DOP1B: variants seen among roughly 807,000 people sequenced by gnomAD.
The protein encoded by DOP1B is protein DOP1B.
In DOP1B, 174 loss-of-function variants were observed where a neutral mutation model predicts 233.5. The observed-to-expected ratio is 0.75, with a 90% CI of 0.66 to 0.85. The LOEUF is 0.85. Ranked by LOEUF, DOP1B falls within the 40% of genes least tolerant of loss-of-function variation. DOP1B has a pLI of 0.00. For missense variants in DOP1B, 2,652 were observed against 2,846.6 expected (o/e 0.93, Z 1.56); for synonymous variants, 1,190 against 1,185.6 (o/e 1.00, Z -0.08).
At chr21:36,182,043 A>T (rs885808) in intron 2 of DOP1B, among the ~76,000 whole-genome samples, 1 of 152,082 alleles carries the variant, frequency 6.6e-6, no homozygotes, top group Non-Finnish European at 1.5e-5. Flanking sequence ...TCTGCCTTAT[A>T]TATTACTCTT....
At chr21:36,274,066 T>C (rs1429388811) in intron 27 of DOP1B, among the ~76,000 whole-genome samples, 5 of 149,174 alleles carry the variant, frequency 3.4e-5, no homozygotes, top group Non-Finnish European at 4.5e-5. Flanking sequence ...CAACAGAGAC[T>C]CTGTCTCAAA....
intron 2 of DOP1B, among the ~76,000 whole-genome samples, chr21:36,166,872 G>C (rs1421372589): frequency 6.6e-6 from 1 of 152,224 alleles, no homozygotes; most frequent in East Asian, 1.9e-4. Context: ...TAAGCTGCTG[G>C]TCTTTTGCAA....
At chr21:36,242,111 CTGTTT>C (rs368574315) in intron 18 of DOP1B, among the ~76,000 whole-genome samples, 3 of 151,254 alleles carry the variant, frequency 2.0e-5, no homozygotes, top group African/African-American at 4.8e-5. Flanking sequence ...CTTTTTCTTT[CTGTTT>C]TAAGAGGAAA....
chr21:36,283,506 A>C (rs2067442981), intron 32 of DOP1B, among the ~76,000 whole-genome samples: 3 of 152,234 alleles, frequency 2.0e-5, no homozygotes, highest in Admixed American at 2.0e-4. Flanking sequence ...TAGTGCACAT[A>C]AGATTTTTAC....
At chr21:36,278,714 C>A (rs1450622383) in intron 30 of DOP1B, among the ~76,000 whole-genome samples, 4 of 151,682 alleles carry the variant, frequency 2.6e-5, no homozygotes, top group African/African-American at 9.7e-5. Flanking sequence ...CAAAAAAATT[C>A]AAAAATTAGC....
chr21:36,163,634 T>C (rs2065886567), intron 1 of DOP1B, among the ~76,000 whole-genome samples: 1 of 152,254 alleles, frequency 6.6e-6, no homozygotes. Flanking sequence ...TATTTGTCTT[T>C]CCTTTCAGAC....
At chr21:36,289,935 G>A (rs1487226338) in intron 35 of DOP1B, among the ~76,000 whole-genome samples, 1 of 152,130 alleles carries the variant, frequency 6.6e-6, no homozygotes, top group African/African-American at 2.4e-5. Flanking sequence ...GATTTTTAGG[G>A]CAGTGAAATT....
In DOP1B at chr21:36,293,674, C is replaced by G. The variant is rs2067584437; in HGVS notation, c.*103C>G. 7.6e-7 allele frequency: 1 copy of G among 1,312,492 alleles called. No homozygotes were observed. The highest frequency in any genetic ancestry group is 1.1e-6 in the Non-Finnish European group (1 of 942,950). 81.3% of individuals were successfully genotyped at this position (1,312,492 alleles called of 1,614,324 possible). The stretch of plus-strand genomic sequence containing the variant: ...GGCAGGATAGTGCTTTTGAACAAGC[C>G]TATTTCCATTTTGAAAGTAGATTTC... On this transcript the variant is annotated 3_prime_UTR_variant, in exon 37 of 37. Coordinates refer to ENST00000691173, the MANE Select transcript of DOP1B (RefSeq NM_001320714.2).
Position 36,211,957 on chromosome 21 carries a change from C to A in DOP1B, c.781-17C>A, listed in dbSNP as rs1216391389. On this transcript the variant is annotated splice_polypyrimidine_tract_variant and intron_variant, in intron 6 of 36. Coordinates refer to ENST00000691173, the MANE Select transcript of DOP1B (RefSeq NM_001320714.2). ...CCTATCATTCCCTTGCAGTAAATTT[C>A]TCTGTCCTTCTAATAGGATTCCAAT... The A allele has an allele frequency of 1.2e-6, 2 of 1,613,606 alleles. No homozygotes were observed. Among genetic ancestry groups the A allele is most frequent in the Non-Finnish European group, 1.7e-6 (2 of 1,179,912 alleles).
At chr21:36,209,482 C>T (rs897039736) in intron 5 of DOP1B, among the ~76,000 whole-genome samples, 3 of 152,212 alleles carry the variant, frequency 2.0e-5, no homozygotes, top group South Asian at 2.1e-4. Context: ...TAGCTGCACA[C>T]GGCGCTCAGA....
At chr21:36,180,796 G>A (rs1013132720) in intron 2 of DOP1B, among the ~76,000 whole-genome samples, 1 of 151,912 alleles carries the variant, frequency 6.6e-6, no homozygotes, top group South Asian at 2.1e-4. Flanking sequence ...CATGAGAATC[G>A]CTTGAACCCA....
At chr21:36,206,114 C>T (rs2066422542) in intron 4 of DOP1B, among the ~76,000 whole-genome samples, 1 of 152,052 alleles carries the variant, frequency 6.6e-6, no homozygotes, top group Non-Finnish European at 1.5e-5. Context: ...GAAGTTATTT[C>T]GTTTTTAACC....
At chr21:36,229,973 T>C (rs1301704895) in intron 13 of DOP1B, among the ~76,000 whole-genome samples, 1 of 152,082 alleles carries the variant, frequency 6.6e-6, no homozygotes, top group Non-Finnish European at 1.5e-5. Flanking sequence ...TTATTTTATT[T>C]CTTCATACCT....
At chr21:36,177,743 TC>T (rs1406705687) in intron 2 of DOP1B, among the ~76,000 whole-genome samples, 5 of 152,126 alleles carry the variant, frequency 3.3e-5, no homozygotes, top group Admixed American at 1.3e-4. Flanking sequence ...CCATGTGATA[TC>T]CCACACCACT....
Position 36,289,078 on chromosome 21 carries a change from A to T in DOP1B, c.6387A>T (p.Ser2129=). 1 of 1,612,524 alleles carries T rather than the reference A, an allele frequency of 6.2e-7. No homozygotes were observed. Among genetic ancestry groups the T allele is most frequent in the Non-Finnish European group, 8.5e-7 (1 of 1,179,708 alleles). Residue 2129 remains serine (S), a synonymous_variant, in exon 35 of 37, where the codon TCA becomes TCT. Transcript: ENST00000691173. ...STNKVNRTKV[S]VPDANGPSVG... ...ACAAAGTAAACAGAACGAAAGTTTC[A>T]GTCCCGGATGCAAATGGACCCTCAG...
In DOP1B at chr21:36,209,373, C is replaced by T. The variant is rs116838105; in HGVS notation, c.681+469C>T. Among the ~76,000 whole-genome samples, 1,473 of 152,288 alleles carry T rather than the reference C, an allele frequency of 9.7e-3. 34 individuals are homozygous for T. Among genetic ancestry groups the T allele is most frequent in the African/African-American group, 0.034 (1,398 of 41,564 alleles). On this transcript the variant is annotated intron_variant, in intron 5 of 36. Transcript: ENST00000691173. ...CCTGCCTGGCGGGTGATCCACCCAC[C>T]GCGGCCTCCCAAAGTGGCATTAAGA... is the stretch of plus-strand genomic sequence containing the variant.
chr21:36,292,986 C>T (rs2067576635), intron 36 of DOP1B, among the ~76,000 whole-genome samples: 1 of 152,016 alleles, frequency 6.6e-6, no homozygotes, highest in South Asian at 2.1e-4. Context: ...GTGGGCAGAT[C>T]GCCTGAGGTC....
intron 10 of DOP1B, among the ~76,000 whole-genome samples, chr21:36,220,106 A>G (rs1003119194): frequency 2.6e-5 from 4 of 152,168 alleles, no homozygotes; most frequent in African/African-American, 9.7e-5. Context: ...AAGGGAATAC[A>G]ACTTTTTCCT....
At chr21:36,277,495 A>G (rs2067365705) in intron 28 of DOP1B, among the ~76,000 whole-genome samples, 1 of 151,556 alleles carries the variant, frequency 6.6e-6, no homozygotes, top group Admixed American at 6.6e-5. Context: ...GTTGGCCAGG[A>G]TGGTCTCAAT....
Sources: allele counts gnomAD v4.1 joint callset (sites outside exome capture counted in the v4.1 genomes callset), GRCh38; gene constraint gnomAD v4.1.1; transcripts MANE v1.5; gene names NCBI Gene and HGNC (gene_info 2026-07-23, HGNC 2026-07-21).